The following ACACA variants were observed in gnomAD, a reference collection of about 807,000 sequenced individuals.
ACACA encodes the protein acetyl-CoA carboxylase 1.
A neutral mutation model predicts 296.1 loss-of-function variants in ACACA; 103 were observed. That is an observed-to-expected ratio of 0.35 (90% CI 0.30 to 0.41). ACACA has a LOEUF of 0.41. Among genes scored for constraint, ACACA ranks in the 10% least tolerant of loss-of-function variants. The probability of loss-of-function intolerance (pLI) is 1.00; values close to 1 mark genes in which losing one functional copy is unlikely to be tolerated. For synonymous variants in ACACA, 953 were observed against 1,038.6 expected, an observed-to-expected ratio of 0.92 and a Z score of 1.58; for missense variants, 1,554 against 2,989.7, an observed-to-expected ratio of 0.52 and a Z score of 11.20.
rs746881633 is a variant in ACACA, at chr17:37,226,425, G to A, written c.3274C>T (p.Leu1092Phe). The A allele has an allele frequency of 2.5e-6, 4 of 1,613,998 alleles. No homozygotes were observed. Among genetic ancestry groups the A allele is most frequent in the African/African-American group, 2.7e-5 (2 of 74,918 alleles). ...AGAATATTCAGCAGCTCATCAGTGA[G>A]AGTAGGGTCCCGGCCACACAACTGA... Reference protein sequence around the residue: ...IDQLCGRDPTLTDELLNILTE... With the variant: ...IDQLCGRDPTFTDELLNILTE... The change falls in exon 26 of 56, where the codon CTC (leucine) becomes TTC (phenylalanine). Residue 1092 changes from leucine to phenylalanine, a missense_variant. Physicochemically the swap from Leu to Phe is conservative, Grantham distance 22. This residue lies in a region of ACACA where 42 missense variants were observed against 147.5 expected (regional missense o/e 0.28). Coordinates refer to ENST00000616317, the MANE Select transcript of ACACA (RefSeq NM_198834.3).
chr17:37,388,645 T>G (rs1223072843), intron 1 of ACACA: 1 of 1,607,064 alleles, frequency 6.2e-7, no homozygotes, highest in Admixed American at 1.7e-5. Context: ...CTTTTCTCCC[T>G]CTTCCACTCC....
At chr17:37,173,249 A>C (rs2076942748) in intron 41 of ACACA, among the ~76,000 whole-genome samples, 3 of 152,290 alleles carry the variant, frequency 2.0e-5, no homozygotes, top group Middle Eastern at 3.4e-3. Context: ...TTTCCACTAG[A>C]ATCTGAGTCC....
intron 45 of ACACA, among the ~76,000 whole-genome samples, chr17:37,131,452 CA>C (rs1366952437): frequency 6.6e-6 from 1 of 152,114 alleles, no homozygotes; most frequent in East Asian, 1.9e-4. Flanking sequence ...GAGCTCTAAA[CA>C]GTTGTAGAGC....
At chr17:37,106,727 T>C (rs2073709128) in intron 52 of ACACA, among the ~76,000 whole-genome samples, 1 of 152,198 alleles carries the variant, frequency 6.6e-6, no homozygotes, top group Non-Finnish European at 1.5e-5. Context: ...TTGCTCTCCC[T>C]ATGTCTGGCA....
At chr17:37,175,133 C>A (rs2077061739) in intron 41 of ACACA, among the ~76,000 whole-genome samples, 1 of 151,970 alleles carries the variant, frequency 6.6e-6, no homozygotes, top group Non-Finnish European at 1.5e-5. Context: ...TCAGCATTGC[C>A]CACTTTAGAG....
At chr17:37,206,760 GT>G in intron 32 of ACACA, 22 bp downstream of exon 32, 1 of 1,549,592 alleles carries the variant, frequency 6.5e-7, no homozygotes. Context: ...GAACAAAGCA[GT>G]CTCCCAAAAG....
At chr17:37,132,646 G>C (rs1451189818) in intron 45 of ACACA, among the ~76,000 whole-genome samples, 1 of 152,214 alleles carries the variant, frequency 6.6e-6, no homozygotes, top group African/African-American at 2.4e-5. Flanking sequence ...GCCCAGAAGA[G>C]AGAGCTGGGC....
At chr17:37,196,205 T>C (rs912328034) in intron 35 of ACACA, among the ~76,000 whole-genome samples, 1 of 151,910 alleles carries the variant, frequency 6.6e-6, no homozygotes, top group African/African-American at 2.4e-5. Context: ...GAACTAATTA[T>C]ATAGACTGTA....
intron 3 of ACACA, among the ~76,000 whole-genome samples, chr17:37,323,521 G>A (rs1384521695): frequency 6.6e-6 from 1 of 152,212 alleles, no homozygotes; most frequent in Admixed American, 6.5e-5. Flanking sequence ...TTTGAGCCCA[G>A]GAGTTGGAAG....
intron 45 of ACACA, among the ~76,000 whole-genome samples, chr17:37,134,555 A>G (rs1316536043): frequency 3.3e-5 from 5 of 152,218 alleles, no homozygotes; most frequent in Non-Finnish European, 7.3e-5. Context: ...AATATTTGCA[A>G]TCATGTGCTG....
chr17:37,206,762 C>T, intron 32 of ACACA, 21 bp downstream of exon 32: 1 of 1,558,222 alleles, frequency 6.4e-7, no homozygotes, highest in Non-Finnish European at 8.9e-7. Flanking sequence ...ACAAAGCAGT[C>T]TCCCAAAAGG....
At chr17:37,217,055 G>A (rs1329512977) in intron 29 of ACACA, among the ~76,000 whole-genome samples, 1 of 151,662 alleles carries the variant, frequency 6.6e-6, no homozygotes, top group Non-Finnish European at 1.5e-5. Flanking sequence ...CTGAGTTAGG[G>A]TGTTGGAGAC....
rs534868477 is a variant in ACACA at position 37,378,005 on chromosome 17, C to T, written c.38+28257G>A. On this transcript the variant is annotated intron_variant, in intron 1 of 55. Transcript: ENST00000616317. ...CTTTCTGGAAAATGATATTGCCATTCCAAAAAATTTTTACCTTTAAAAGAT... is the reference window on the plus strand; with the variant it reads ...CTTTCTGGAAAATGATATTGCCATTTCAAAAAATTTTTACCTTTAAAAGAT... 534 of 1,577,130 alleles carry T rather than the reference C, an allele frequency of 3.4e-4. 5 individuals carry two copies. In the South Asian group the frequency reaches 5.5e-3, roughly 16 times the overall value.
chr17:37,094,820 G>GGA (rs1303721472), intron 54 of ACACA, among the ~76,000 whole-genome samples: 2 of 152,252 alleles, frequency 1.3e-5, no homozygotes, highest in Non-Finnish European at 2.9e-5. Flanking sequence ...AGAGAACTCA[G>GGA]GAGAATGCTG....
rs1399725559 is a variant in ACACA at position 37,113,125 on chromosome 17, G to A, written c.6415C>T (p.Pro2139Ser). The A allele has an allele frequency of 1.2e-5, 20 of 1,614,056 alleles. No homozygotes were observed. The Admixed American group carries it at 3.0e-4, about 24-fold the overall frequency. The change falls in exon 51 of 56, where the codon CCC becomes TCC. Residue 2139 changes from proline to serine, a missense_variant. By Grantham distance (74) the Pro-to-Ser change is moderately conservative. Transcript: ENST00000616317. This position sits in a 1 kb window ranked among gnomAD's most constrained non-coding sequence, Gnocchi z 4.0. ...SWVVIDSSIN[P>S]RHMEMYADRE... is the part of the protein sequence containing the mutation. ...TCAGCATACATCTCCATGTGCCGGG[G>A]GTTGATGGAGGAGTCAATCACCACC...
In ACACA at chr17:37,200,136, T is replaced by G. The variant is rs777382016; in HGVS notation, c.4158+3A>C. 1 of 1,589,688 alleles carries G rather than the reference T, an allele frequency of 6.3e-7. No individual in the cohort carries two copies. The highest frequency in any genetic ancestry group is 2.2e-5 in the East Asian group (1 of 44,694). ...ATCTTTCATTATTGTTCATTTTACT[T>G]ACATGAAATCTCCGATCCACCTCAT... is the stretch of plus-strand genomic sequence containing the variant. On this transcript the variant is annotated splice_donor_region_variant and intron_variant, in intron 35 of 55. Transcript: ENST00000616317.
chr17:37,122,987 C>A (rs17841491), intron 48 of ACACA, among the ~76,000 whole-genome samples: 329 of 152,344 alleles, frequency 2.2e-3, no homozygotes, highest in African/African-American at 7.1e-3. Context: ...TCTAGAGCAT[C>A]TCCTTGGTGA....
chr17:37,405,682 A>G (rs2147865881), intron 1 of ACACA, among the ~76,000 whole-genome samples: 1 of 152,086 alleles, frequency 6.6e-6, no homozygotes, highest in South Asian at 2.1e-4. Flanking sequence ...CCTCCGGAGT[A>G]GCTGGGATTA....
chr17:37,182,627 T>G (rs567825868), intron 39 of ACACA, among the ~76,000 whole-genome samples: 1 of 152,226 alleles, frequency 6.6e-6, no homozygotes, highest in African/African-American at 2.4e-5. Flanking sequence ...ACTTCATGCA[T>G]GGATACATAA....
Sources: gnomAD v4.1 joint callset for allele counts (sites outside exome capture counted in the v4.1 genomes callset) on GRCh38, gnomAD v4.1.1 for gene constraint, gnomAD v4.1.1 regional missense constraint, Gnocchi (gnomAD v3.1) non-coding constraint, MANE v1.5 for transcripts, NCBI Gene and HGNC (gene_info 2026-07-23, HGNC 2026-07-21) for gene names.